The following GRM1 variants were observed in gnomAD, a reference collection of about 807,000 sequenced individuals.
The protein encoded by GRM1 is metabotropic glutamate receptor 1.
Under a neutral mutation model 90.9 loss-of-function variants are expected in GRM1, and 33 were observed. The observed-to-expected ratio is 0.36, with a 90% CI of 0.28 to 0.49. The LOEUF (loss-of-function observed/expected upper bound fraction) is 0.49, where lower values mean the gene tolerates loss of function less well. Ranked by LOEUF, GRM1 falls within the 20% of genes least tolerant of loss-of-function variation. The probability of loss-of-function intolerance (pLI) is 0.99; values close to 1 mark genes in which losing one functional copy is unlikely to be tolerated. For synonymous variants in GRM1, 700 were observed against 613.2 expected (o/e 1.14, Z -2.09); for missense variants, 1,190 against 1,534.3 (o/e 0.78, Z 3.75).
At chr6:146,416,708 T>C (rs1216626729) in intron 7 of GRM1, among the ~76,000 whole-genome samples, 3 of 152,182 alleles carry the variant, frequency 2.0e-5, no homozygotes, top group Non-Finnish European at 4.4e-5. Flanking sequence ...CTTGTTCTGC[T>C]TCACCTGGTG....
At position 146,205,461 on chromosome 6, in the gene GRM1, A is replaced by G. The variant is rs1054215132; in HGVS notation, c.950+45864A>G. On this transcript the variant is annotated intron_variant, in intron 2 of 7. Transcript: ENST00000282753. ...AAATTCTTAATAGCTAGATGATCTGACAGTGGATATTCGAAAGGGTAAAGC... is the reference window on the plus strand; with the variant it reads ...AAATTCTTAATAGCTAGATGATCTGGCAGTGGATATTCGAAAGGGTAAAGC... Among the ~76,000 whole-genome samples the G allele has an allele frequency of 2.0e-5, 3 of 152,212 alleles. No individual in the cohort carries two copies. The East Asian group carries it at 5.8e-4, about 29-fold the overall frequency.
chr6:146,102,519 G>GT (rs768446617), intron 1 of GRM1, among the ~76,000 whole-genome samples: 19 of 152,154 alleles, frequency 1.2e-4, no homozygotes, highest in Non-Finnish European at 2.4e-4. Flanking sequence ...TCATAGAACT[G>GT]TTTTTATCAT....
intron 1 of GRM1, among the ~76,000 whole-genome samples, chr6:146,143,257 G>C (rs1038095057): frequency 1.2e-4 from 18 of 152,114 alleles, no homozygotes; most frequent in African/African-American, 4.3e-4. Context: ...TTTGACCCTG[G>C]GTAAAATCTA....
rs565878130 is a variant in GRM1 at position 146,029,700 on chromosome 6, A to G, written c.183A>G (p.Lys61=). 6.2e-7 allele frequency: 1 copy of G among 1,614,078 alleles called. No homozygotes were observed. Among genetic ancestry groups the G allele is most frequent in the African/African-American group, 1.3e-5 (1 of 75,002 alleles). The change falls in exon 1 of 8, where the codon AAA becomes AAG. Residue 61 remains lysine (K), a synonymous_variant. Coordinates refer to ENST00000282753, the MANE Select transcript of GRM1 (RefSeq NM_001278064.2). The part of the protein sequence containing the change: ...FSVHHQPPAE[K]VPERKCGEIR... ...TCCATCACCAGCCTCCGGCCGAGAA[A>G]GTGCCCGAGAGGAAGTGTGGGGAGA...
At chr6:146,313,111 T>G (rs751591332) in intron 3 of GRM1, among the ~76,000 whole-genome samples, 4 of 152,196 alleles carry the variant, frequency 2.6e-5, no homozygotes, top group Admixed American at 2.6e-4. Flanking sequence ...ACTTGAGGTA[T>G]AAAAATGGAA....
At chr6:146,100,988 G>T (rs972976683) in intron 1 of GRM1, among the ~76,000 whole-genome samples, 2 of 152,122 alleles carry the variant, frequency 1.3e-5, no homozygotes, top group Non-Finnish European at 2.9e-5. Context: ...AAGTACACAG[G>T]GGGCTGAGGT....
intron 7 of GRM1, among the ~76,000 whole-genome samples, chr6:146,415,334 C>T (rs1777741106): frequency 6.6e-6 from 1 of 152,204 alleles, no homozygotes; most frequent in African/African-American, 2.4e-5. Flanking sequence ...AATATCATCA[C>T]ACTGGGAGTT....
At chr6:146,047,405 G>A (rs1791372108) in intron 1 of GRM1, among the ~76,000 whole-genome samples, 1 of 151,770 alleles carries the variant, frequency 6.6e-6, no homozygotes, top group African/African-American at 2.4e-5. Flanking sequence ...CATTTCCAGA[G>A]CAACATAAAT....
At chr6:146,042,665 A>G (rs1010921257) in intron 1 of GRM1, among the ~76,000 whole-genome samples, 2 of 152,032 alleles carry the variant, frequency 1.3e-5, no homozygotes, top group Non-Finnish European at 2.9e-5. Context: ...TCAAATACAA[A>G]TAGAGCATAT....
chr6:146,257,356 T>C (rs911191104), intron 2 of GRM1, among the ~76,000 whole-genome samples: 1 of 152,108 alleles, frequency 6.6e-6, no homozygotes, highest in African/African-American at 2.4e-5. Flanking sequence ...GGGAGTCCTG[T>C]AGTTAATGAG....
At chr6:146,297,835 A>G (rs1285702574) in intron 2 of GRM1, among the ~76,000 whole-genome samples, 5 of 152,186 alleles carry the variant, frequency 3.3e-5, no homozygotes, top group African/African-American at 4.8e-5. Context: ...TTAACCCTCT[A>G]TATGTGCACT....
At chr6:146,238,031 G>A (rs1780714408) in intron 2 of GRM1, among the ~76,000 whole-genome samples, 1 of 152,130 alleles carries the variant, frequency 6.6e-6, no homozygotes, top group South Asian at 2.1e-4. Flanking sequence ...GGCACTATGA[G>A]CCTGTGGCTT....
intron 7 of GRM1, among the ~76,000 whole-genome samples, chr6:146,408,247 G>T (rs571214297): frequency 6.6e-6 from 1 of 152,168 alleles, no homozygotes; most frequent in Non-Finnish European, 1.5e-5. Context: ...TCTTCCAAAG[G>T]CCCTACCTCT....
intron 1 of GRM1, among the ~76,000 whole-genome samples, chr6:146,062,914 C>T (rs1484168700): frequency 6.6e-6 from 1 of 152,182 alleles, no homozygotes; most frequent in Non-Finnish European, 1.5e-5. Context: ...GGTTCTCCCT[C>T]ACCCTTGCCA....
intron 7 of GRM1, among the ~76,000 whole-genome samples, chr6:146,411,761 A>G (rs1236378801): frequency 6.6e-6 from 1 of 152,216 alleles, no homozygotes; most frequent in Non-Finnish European, 1.5e-5. Flanking sequence ...CAAAAAATTC[A>G]ATGTTAAGAT....
At chr6:146,414,619 GTCTTGA>G (rs1777705801) in intron 7 of GRM1, among the ~76,000 whole-genome samples, 1 of 152,106 alleles carries the variant, frequency 6.6e-6, no homozygotes, top group African/African-American at 2.4e-5. Context: ...AGCCAGAATG[GTCTTGA>G]TCTCCTGACC....
chr6:146,343,172 G>T (rs2115020446), intron 3 of GRM1, among the ~76,000 whole-genome samples: 1 of 152,168 alleles, frequency 6.6e-6, no homozygotes, highest in South Asian at 2.1e-4. Flanking sequence ...ATTTCTCATA[G>T]TTCAGTTGGG....
intron 1 of GRM1, among the ~76,000 whole-genome samples, chr6:146,137,778 A>G (rs1776680413): frequency 6.6e-6 from 1 of 152,138 alleles, no homozygotes; most frequent in Non-Finnish European, 1.5e-5. Flanking sequence ...TAATTCTTTC[A>G]ATTCATAAAC....
intron 2 of GRM1, among the ~76,000 whole-genome samples, chr6:146,296,049 T>G (rs1371190144): frequency 2.0e-5 from 3 of 152,220 alleles, no homozygotes; most frequent in African/African-American, 7.2e-5. Flanking sequence ...GTAAAAGACA[T>G]GACTTCATTC....
Sources: gnomAD v4.1 joint callset for allele counts (sites outside exome capture counted in the v4.1 genomes callset) on GRCh38, gnomAD v4.1.1 for gene constraint, MANE v1.5 for transcripts, NCBI Gene and HGNC (gene_info 2026-07-23, HGNC 2026-07-21) for gene names.